MRTFB: variants seen among roughly 807,000 people sequenced by gnomAD.
MRTFB encodes myocardin related transcription factor B.
MRTFB carries 29 observed loss-of-function variants against 104.2 expected under a neutral mutation model. The observed-to-expected ratio is 0.28, with a 90% CI of 0.21 to 0.38. The LOEUF is 0.38. MRTFB is among the 10% of genes least tolerant of loss of function. The probability of loss-of-function intolerance (pLI) is 1.00; values close to 1 mark genes in which losing one functional copy is unlikely to be tolerated. For synonymous variants in MRTFB, 535 were observed against 519.5 expected (o/e 1.03, Z -0.41); for missense variants, 1,270 against 1,341.6 (o/e 0.95, Z 0.83).
At chr16:14,068,874 G>C (rs887322208), upstream of MRTFB, among the ~76,000 whole-genome samples, 2 of 148,452 alleles carry the variant, frequency 1.3e-5, no homozygotes, top group African/African-American at 4.9e-5. Context: ...GGATAGAACA[G>C]TAGAAGAAAG....
intron 1 of MRTFB, among the ~76,000 whole-genome samples, chr16:14,072,878 T>G (rs1177843962): frequency 1.3e-5 from 2 of 152,210 alleles, no homozygotes; most frequent in Non-Finnish European, 2.9e-5. Flanking sequence ...TAAACTATAT[T>G]GTAGAATTTT....
At chr16:14,115,223 C>CT (rs2036483838) in intron 2 of MRTFB, among the ~76,000 whole-genome samples, 1 of 152,204 alleles carries the variant, frequency 6.6e-6, no homozygotes, top group South Asian at 2.1e-4. Flanking sequence ...TGTACCTACT[C>CT]TTTCTTCTGA....
rs957628597 is a variant in MRTFB at position 14,259,093 on chromosome 16, C to T, written c.2764+932C>T. On this transcript the variant is annotated intron_variant, in intron 16 of 16. Coordinates refer to ENST00000571589, the MANE Select transcript of MRTFB (RefSeq NM_001308142.2). ...GAATTGATATTTGACTACAGATCTA[C>T]ACACACAAATAGTATTTTTTGCTAA... Among the ~76,000 whole-genome samples, 9 of 152,296 alleles carry T rather than the reference C, an allele frequency of 5.9e-5. No homozygotes were observed. The East Asian group carries it at 1.2e-3, about 20-fold the overall frequency.
chr16:14,002,955 G>T, the MRTFB span, among the ~76,000 whole-genome samples: 3 of 152,090 alleles, frequency 2.0e-5, no homozygotes, highest in African/African-American at 7.2e-5. Context: ...ACAGGACTCC[G>T]ACACCTTTCT....
At position 14,265,416 on chromosome 16, in the gene MRTFB, A is replaced by G. The variant is rs1209370934; in HGVS notation, c.*3972A>G. 1 of 152,232 alleles carries G rather than the reference A, an allele frequency of 6.6e-6. No homozygotes were observed. The highest frequency in any genetic ancestry group is 6.5e-5 in the Admixed American group (1 of 15,282). 9.4% of individuals were successfully genotyped at this position (152,232 alleles called of 1,614,324 possible). A position where few individuals can be genotyped will look rare whatever the true frequency, so the allele number is the denominator to read the frequency against. On this transcript the variant is annotated 3_prime_UTR_variant, in exon 17 of 17. Coordinates refer to ENST00000571589, the MANE Select transcript of MRTFB (RefSeq NM_001308142.2). ...GTTTTTCAAGGAACATAGCTTACAA[A>G]TGCATCAGTGTGTATCTGGAGAGCA...
At chr16:14,165,763 G>A (rs2039212380) in intron 3 of MRTFB, among the ~76,000 whole-genome samples, 2 of 151,846 alleles carry the variant, frequency 1.3e-5, no homozygotes, top group African/African-American at 2.4e-5. Flanking sequence ...TTAGTTTGTC[G>A]TTCTGAGCCA....
chr16:14,111,397 A>AG lies in MRTFB; in HGVS notation c.-63-29142dup, dbSNP rs2036259961. Among the ~76,000 whole-genome samples, 4 of 152,166 alleles carry AG rather than the reference A, an allele frequency of 2.6e-5. No homozygotes were observed. The South Asian group carries it at 8.3e-4, about 32-fold the overall frequency. ...AGCCAAGCTCATCTGCTCAGTGATG[A>AG]GGGGGTGGTGCTGGGTCCTGAAGGA... On this transcript the variant is annotated intron_variant, in intron 2 of 16. Transcript: ENST00000571589.
intron 3 of MRTFB, among the ~76,000 whole-genome samples, chr16:14,164,082 T>G (rs1326785852): frequency 2.0e-5 from 3 of 152,172 alleles, no homozygotes; most frequent in African/African-American, 7.2e-5. Context: ...TTCTAACTAT[T>G]TTGAAATATA....
intron 2 of MRTFB, among the ~76,000 whole-genome samples, chr16:14,130,772 G>C (rs970240131): frequency 6.6e-6 from 1 of 151,160 alleles, no homozygotes; most frequent in African/African-American, 2.5e-5. Context: ...ATGGCGCTGG[G>C]GAGGCCTCAG....
At position 14,182,555 on chromosome 16, in the gene MRTFB, A is replaced by G. The variant is rs576516608; in HGVS notation, c.155-27688A>G. ...ATATAGAGATATAAATGTTATGTAG[A>G]TGTGTGTGTATACATCCACACACAT... is the stretch of plus-strand genomic sequence containing the variant. On this transcript the variant is annotated intron_variant, in intron 3 of 16. Transcript: ENST00000571589. Among the ~76,000 whole-genome samples the G allele has an allele frequency of 9.8e-5, 15 of 152,312 alleles. No individual in the cohort carries two copies. The South Asian group carries it at 2.7e-3, about 27-fold the overall frequency.
chr16:14,195,326 G>A (rs1373497442), intron 3 of MRTFB, among the ~76,000 whole-genome samples: 4 of 152,088 alleles, frequency 2.6e-5, no homozygotes, highest in South Asian at 2.1e-4. Context: ...GTCCATCATC[G>A]TCTGGATCAT....
chr16:14,253,672 C>G (rs1354856349), intron 15 of MRTFB, among the ~76,000 whole-genome samples: 1 of 152,174 alleles, frequency 6.6e-6, no homozygotes, highest in Non-Finnish European at 1.5e-5. Flanking sequence ...GCACCCTCAC[C>G]AAGGACATCC....
intron 2 of MRTFB, 32 bp downstream of exon 2, chr16:14,079,386 G>A: frequency 2.9e-6 from 1 of 345,792 alleles, no homozygotes; most frequent in Non-Finnish European, 5.3e-6. Context: ...TTTTAACAAA[G>A]AAACTGTAAT....
chr16:14,061,146 AAAAAAAAAAC>A, the MRTFB span, among the ~76,000 whole-genome samples: 1 of 148,900 alleles, frequency 6.7e-6, no homozygotes, highest in African/African-American at 2.5e-5. Context: ...ACTCCGTCTC[AAAAAAAAAAC>A]AAAAAAAAAC....
intron 9 of MRTFB, among the ~76,000 whole-genome samples, chr16:14,237,085 G>A (rs567659003): frequency 3.9e-5 from 6 of 152,306 alleles, no homozygotes; most frequent in South Asian, 2.1e-4. Flanking sequence ...TGCAGGCACC[G>A]CGTGATGTCC....
At chr16:14,258,971 C>T (rs1381026930) in intron 16 of MRTFB, among the ~76,000 whole-genome samples, 1 of 152,054 alleles carries the variant, frequency 6.6e-6, no homozygotes, top group East Asian at 1.9e-4. Context: ...TAAAATTACC[C>T]TGATGAAAGG....
chr16:14,091,108 G>A (rs954233145), intron 2 of MRTFB, among the ~76,000 whole-genome samples: 2 of 152,102 alleles, frequency 1.3e-5, no homozygotes, highest in African/African-American at 4.8e-5. Context: ...ACTATACCAT[G>A]GATGCTGGAT....
chr16:14,240,513 G>A, intron 10 of MRTFB, 29 bp downstream of exon 10: 5 of 1,614,146 alleles, frequency 3.1e-6, no homozygotes, highest in South Asian at 1.1e-5. Flanking sequence ...TATCCTCAAC[G>A]CGGGGTTTTC....
rs369740473 is a variant in MRTFB at position 14,251,898 on chromosome 16, C to G, written c.2440C>G (p.Pro814Ala). ...TNSASSNTVLPYQRHPAPAVQ... is the reference protein window; with the variant it reads ...TNSASSNTVLAYQRHPAPAVQ... ...CTCAGCATCATCAAATACAGTTCTT[C>G]CATATCAGAGACATCCTGCCCCAGC... is the stretch of plus-strand genomic sequence containing the variant. The change falls in exon 14 of 17, where the codon CCA becomes GCA. Residue 814 changes from proline to alanine, a missense_variant. Coordinates refer to ENST00000571589, the MANE Select transcript of MRTFB (RefSeq NM_001308142.2). 2 of 1,614,088 alleles carry G rather than the reference C, an allele frequency of 1.2e-6. No homozygotes were observed. The highest frequency in any genetic ancestry group is 2.7e-5 in the African/African-American group (2 of 74,940).
Sources: allele counts gnomAD v4.1 joint callset (sites outside exome capture counted in the v4.1 genomes callset), GRCh38; gene constraint gnomAD v4.1.1; transcripts MANE v1.5; gene names NCBI Gene and HGNC (gene_info 2026-07-23, HGNC 2026-07-21).